TRAPPC9: variants seen among roughly 807,000 people sequenced by gnomAD.
TRAPPC9 encodes IKK2 binding protein.
Under a neutral mutation model 124.0 loss-of-function variants are expected in TRAPPC9, and 83 were observed. The observed-to-expected ratio is 0.67, with a 90% confidence interval of 0.56 to 0.80. The LOEUF is 0.80. Among genes scored for constraint, TRAPPC9 ranks in the 30% least tolerant of loss-of-function variants. The pLI is 0.00. For synonymous variants in TRAPPC9, 638 were observed against 617.5 expected (o/e 1.03, Z -0.49); for missense variants, 1,302 against 1,508.3 (o/e 0.86, Z 2.27).
intron 18 of TRAPPC9, among the ~76,000 whole-genome samples, chr8:140,015,762 T>C (rs11166942): frequency 0.61 from 92,034 of 152,118 alleles, 28,046 homozygotes; most frequent in Middle Eastern, 0.71. Context: ...GAGCTGAGGT[T>C]GTGCCACTGC....
intron 17 of TRAPPC9, among the ~76,000 whole-genome samples, chr8:140,184,600 T>G (rs1380379964): frequency 6.6e-6 from 1 of 152,168 alleles, no homozygotes; most frequent in South Asian, 2.1e-4. Flanking sequence ...CATGCCTGAC[T>G]AATTTTTGTT....
At chr8:140,082,832 A>G (rs755573899) in intron 17 of TRAPPC9, among the ~76,000 whole-genome samples, 4 of 152,192 alleles carry the variant, frequency 2.6e-5, no homozygotes, top group Non-Finnish European at 5.9e-5. Context: ...CCTCAAACTC[A>G]GCTGGTCACG....
intron 17 of TRAPPC9, among the ~76,000 whole-genome samples, chr8:140,036,021 G>A (rs1840851718): frequency 6.6e-6 from 1 of 152,162 alleles, no homozygotes; most frequent in African/African-American, 2.4e-5. Flanking sequence ...GCTACACAGG[G>A]GAATTGAATG....
At position 140,419,442 on chromosome 8, in the gene TRAPPC9, A is replaced by C. The variant is rs58809382; in HGVS notation, c.886+7173T>G. Among the ~76,000 whole-genome samples, 1,188 of 141,684 alleles carry C rather than the reference A, an allele frequency of 8.4e-3. 15 individuals are homozygous for C. The highest frequency in any genetic ancestry group is 0.03 in the African/African-American group (1,089 of 36,430). 93.0% of individuals were successfully genotyped at this position (141,684 alleles called of 152,430 possible). The stretch of plus-strand genomic sequence containing the variant: ...AGACTCCGTCTCAAAAAAAAAAAAA[A>C]AAAAAAAAAACAAAACAAAACAAAA... On this transcript the variant is annotated intron_variant, in intron 5 of 22. Transcript: ENST00000438773.
intron 9 of TRAPPC9, among the ~76,000 whole-genome samples, chr8:140,359,639 G>A (rs967962216): frequency 6.6e-6 from 1 of 152,134 alleles, no homozygotes; most frequent in Non-Finnish European, 1.5e-5. Context: ...TGATTATAGC[G>A]GTGGCCACTT....
rs1324392731 is a variant in TRAPPC9 at position 140,097,813 on chromosome 8, G to A, written c.2557-73734C>T. 6.6e-6 allele frequency: 1 copy of A among 152,130 alleles called. No homozygotes were observed. Among genetic ancestry groups the A allele is most frequent in the Non-Finnish European group, 1.5e-5 (1 of 68,052 alleles). 9.4% of individuals were successfully genotyped at this position (152,130 alleles called of 1,614,324 possible). On this transcript the variant is annotated intron_variant, in intron 17 of 22. Transcript: ENST00000438773. This position sits in a 1 kb window ranked among gnomAD's most constrained non-coding sequence, Gnocchi z 4.2. ...GTCGCAGCTGTGCCGCTGCTCCCAG[G>A]GTCATGACGCCTACCCAGGTCCTTA... is the stretch of plus-strand genomic sequence containing the variant.
At chr8:140,217,738 A>G (rs915208843) in intron 17 of TRAPPC9, among the ~76,000 whole-genome samples, 1 of 152,188 alleles carries the variant, frequency 6.6e-6, no homozygotes, top group African/African-American at 2.4e-5. Context: ...ATGGCGAGCC[A>G]GGCACGGTGG....
At chr8:139,950,191 G>T (rs1834546277) in intron 19 of TRAPPC9, among the ~76,000 whole-genome samples, 1 of 152,244 alleles carries the variant, frequency 6.6e-6, no homozygotes, top group Admixed American at 6.5e-5. Context: ...CCACAGTCCA[G>T]GTTCTGCTTA....
chr8:140,228,582 T>TCCTTCTG (rs1440096481), intron 16 of TRAPPC9, among the ~76,000 whole-genome samples: 5 of 152,242 alleles, frequency 3.3e-5, no homozygotes, highest in Admixed American at 2.0e-4. Flanking sequence ...AGATTGGTCT[T>TCCTTCTG]CCTTCTGTTG....
intron 21 of TRAPPC9, among the ~76,000 whole-genome samples, chr8:139,774,199 G>A (rs2130470797): frequency 6.6e-6 from 1 of 152,356 alleles, no homozygotes; most frequent in East Asian, 1.9e-4. Flanking sequence ...CATGGGCTGA[G>A]CAGAGGGTCA....
chr8:140,381,128 C>T (rs1471819276), intron 7 of TRAPPC9, among the ~76,000 whole-genome samples: 1 of 151,078 alleles, frequency 6.6e-6, no homozygotes, highest in Non-Finnish European at 1.5e-5. Flanking sequence ...TTGCTTGAAC[C>T]CGGGAGGCGG....
chr8:140,053,622 T>G (rs914512494), intron 17 of TRAPPC9, among the ~76,000 whole-genome samples: 1 of 152,248 alleles, frequency 6.6e-6, no homozygotes, highest in African/African-American at 2.4e-5. Context: ...TTCCTCATTT[T>G]CTGTCTGGAT....
intron 17 of TRAPPC9, among the ~76,000 whole-genome samples, chr8:140,044,280 AAAAAAAAAG>A (rs1237662646): frequency 6.6e-6 from 1 of 150,856 alleles, no homozygotes; most frequent in Non-Finnish European, 1.5e-5. Flanking sequence ...GACCAAAAAA[AAAAAAAAAG>A]AAAAATCACA....
At chr8:140,402,218 A>G (rs1278434473) in intron 6 of TRAPPC9, among the ~76,000 whole-genome samples, 1 of 151,464 alleles carries the variant, frequency 6.6e-6, no homozygotes, top group African/African-American at 2.4e-5. Flanking sequence ...AAAAAATAAA[A>G]AATTAGCCAG....
chr8:140,263,847 C>T (rs112494095), intron 15 of TRAPPC9, among the ~76,000 whole-genome samples: 1,879 of 152,256 alleles, frequency 0.012, 26 homozygotes, highest in African/African-American at 0.042. Flanking sequence ...GACTAGTCTG[C>T]TGGCCTGGCT....
intron 11 of TRAPPC9, among the ~76,000 whole-genome samples, chr8:140,294,486 T>C (rs1434292862): frequency 6.6e-6 from 1 of 152,160 alleles, no homozygotes; most frequent in East Asian, 1.9e-4. Flanking sequence ...ATGATGATGA[T>C]AATAAGCCAT....
At chr8:139,830,116 G>A (rs1284653227) in intron 21 of TRAPPC9, among the ~76,000 whole-genome samples, 2 of 152,368 alleles carry the variant, frequency 1.3e-5, no homozygotes, top group South Asian at 4.1e-4. Flanking sequence ...TCTAGAAACA[G>A]GACGATGGTC....
intron 19 of TRAPPC9, among the ~76,000 whole-genome samples, chr8:139,961,112 C>G (rs1835346299): frequency 1.6e-5 from 2 of 124,826 alleles, no homozygotes; most frequent in African/African-American, 5.1e-5. Flanking sequence ...CTGGTATATG[C>G]TGAAGAGGAG....
At chr8:140,020,356 T>G (rs1287904245) in intron 18 of TRAPPC9, among the ~76,000 whole-genome samples, 2 of 152,232 alleles carry the variant, frequency 1.3e-5, no homozygotes, top group Non-Finnish European at 2.9e-5. Context: ...AAACATTTAC[T>G]GTATTATAAA....
Sources: allele counts gnomAD v4.1 joint callset (sites outside exome capture counted in the v4.1 genomes callset), GRCh38; gene constraint gnomAD v4.1.1; non-coding constraint Gnocchi (gnomAD v3.1); transcripts MANE v1.5; gene names NCBI Gene and HGNC (gene_info 2026-07-23, HGNC 2026-07-21).